RYR1: variants seen among roughly 807,000 people sequenced by gnomAD.
RYR1 encodes the protein ryanodine receptor 1, also known as central core disease of muscle.
Under a neutral mutation model 583.5 loss-of-function variants are expected in RYR1, and 342 were observed. That is an observed-to-expected ratio of 0.59 (90% CI 0.54 to 0.64). The LOEUF is 0.64. RYR1 is among the 30% of genes least tolerant of loss of function. The probability of loss-of-function intolerance (pLI) is 0.00; values close to 1 mark genes in which losing one functional copy is unlikely to be tolerated. For synonymous variants in RYR1, 2,791 were observed against 2,822.5 expected (o/e 0.99, Z 0.35); for missense variants, 6,032 against 6,917.2 (o/e 0.87, Z 4.54).
At chr19:38,544,659 A>G (rs902056545) in intron 87 of RYR1, among the ~76,000 whole-genome samples, 1 of 152,208 alleles carries the variant, frequency 6.6e-6, no homozygotes, top group African/African-American at 2.4e-5. Context: ...AGGGGCTGGC[A>G]GAAACCCTAA....
At chr19:38,542,271 A>T (rs898653148) in intron 84 of RYR1, among the ~76,000 whole-genome samples, 1 of 152,018 alleles carries the variant, frequency 6.6e-6, no homozygotes, top group Non-Finnish European at 1.5e-5. Flanking sequence ...TGACCAATCC[A>T]TATGTTCCCT....
chr19:38,493,145 C>A (rs1168936469), intron 38 of RYR1, among the ~76,000 whole-genome samples: 2 of 151,998 alleles, frequency 1.3e-5, no homozygotes, highest in African/African-American at 4.8e-5. Flanking sequence ...GTGTGTTGGA[C>A]CAGGGTGACA....
At chr19:38,484,606 G>A (rs1270676599) in intron 33 of RYR1, among the ~76,000 whole-genome samples, 7 of 152,044 alleles carry the variant, frequency 4.6e-5, no homozygotes, top group Admixed American at 3.9e-4. Context: ...CAGGATGCTC[G>A]GACATGCCCA....
At chr19:38,440,994 A>G (rs910992154) in intron 2 of RYR1, 130 bp downstream of exon 2, 3 of 948,732 alleles carry the variant, frequency 3.2e-6, no homozygotes, top group Non-Finnish European at 1.5e-6. Flanking sequence ...GAGGGGGGCT[A>G]AGGCTAAGAG....
At chr19:38,454,091 C>T (rs751729154) in intron 13 of RYR1, among the ~76,000 whole-genome samples, 1 of 152,160 alleles carries the variant, frequency 6.6e-6, no homozygotes, top group Non-Finnish European at 1.5e-5. Context: ...GGCTGGAGTG[C>T]AGTGGTGTGA....
chr19:38,489,666 T>C (rs1323554656), intron 35 of RYR1, among the ~76,000 whole-genome samples: 2 of 152,238 alleles, frequency 1.3e-5, no homozygotes, highest in Non-Finnish European at 2.9e-5. Flanking sequence ...TTTTGCTCTG[T>C]CACCCAGGCT....
Position 38,534,830 on chromosome 19 carries a change from CAT to C in RYR1, c.11359+12_11359+13del, listed in dbSNP as rs774493726. 7.5e-6 allele frequency: 12 copies of C among 1,607,846 alleles called. No homozygotes were observed. Among genetic ancestry groups the C allele is most frequent in the Non-Finnish European group, 1.0e-5 (12 of 1,177,462 alleles). On this transcript the variant is annotated intron_variant, in intron 79 of 105. Transcript: ENST00000359596. ...TCAGTGCCTGCAAAGGTGCCCCTCA[CAT>C]GTGCACTGGACTCTTCCGAGTGCAC...
At position 38,512,288 on chromosome 19, in the gene RYR1, C is replaced by T. The variant is rs1064797039; in HGVS notation, c.9277C>T (p.Arg3093Cys). The T allele has an allele frequency of 3.7e-6, 6 of 1,614,236 alleles. No individual in the cohort carries two copies. The highest frequency in any genetic ancestry group is 1.7e-5 in the Admixed American group (1 of 60,032). The change falls in exon 63 of 106, where the codon CGC becomes TGC. Residue 3093 changes from arginine (R) to cysteine (C), a missense_variant. Transcript: ENST00000359596. The surrounding 1 kb of genome is among the most constrained non-coding windows in gnomAD (Gnocchi z 5.1). ...SGPEIVKAGL[R>C]SFFESASEDI... ...CCCTGAGATCGTGAAGGCTGGCCTC[C>T]GCTCCTTCTTCGAGAGTGCCTCGGA...
Position 38,489,417 on chromosome 19 carries a change from A to G in RYR1, c.5788A>G (p.Lys1930Glu). The G allele has an allele frequency of 6.2e-7, 1 of 1,613,928 alleles. No homozygotes were observed. The highest frequency in any genetic ancestry group is 8.5e-7 in the Non-Finnish European group (1 of 1,179,894). ...EGLEEGLLQM[K>E]LPESVKLQMC... is the part of the protein sequence containing the mutation. ...CTTGGAGGAAGGGCTGCTCCAGATG[A>G]AGTTGCCAGAGTCTGTGAAGTTACA... The change falls in exon 35 of 106, where the codon AAG becomes GAG. Residue 1930 changes from lysine (K) to glutamate (E), a missense_variant. By Grantham distance (56) the Lys-to-Glu change is moderately conservative. Transcript: ENST00000359596.
At chr19:38,536,271 A>T (rs1315718225) in intron 82 of RYR1, among the ~76,000 whole-genome samples, 1 of 10,762 alleles carries the variant, frequency 9.3e-5, no homozygotes, top group Non-Finnish European at 1.8e-4. Context: ...CATGTCCACC[A>T]CCCACCTCCG....
chr19:38,467,515 T>A, intron 24 of RYR1, 95 bp from the exon 25 acceptor site: 2 of 1,320,462 alleles, frequency 1.5e-6, no homozygotes, highest in Non-Finnish European at 2.2e-6. Flanking sequence ...CCAAAGCCCT[T>A]ACTGTCCCCC....
At position 38,565,189 on chromosome 19, in the gene RYR1, G is replaced by A. The variant is rs1973340892; in HGVS notation, c.12855G>A (p.Thr4285=). Residue 4285 remains threonine (T), a synonymous_variant, in exon 91 of 106, where the codon ACG becomes ACA. Transcript: ENST00000359596. The surrounding 1 kb of genome is among the most constrained non-coding windows in gnomAD (Gnocchi z 4.7). ...AGGGCGCGGCGGGGCTCGAGGGCAC[G>A]GCGGCCACGGCGGCGGCGGGGGCGA... ...AEEGAAGLEG[T]AATAAAGATA... 3 of 1,048,582 alleles carry A rather than the reference G, an allele frequency of 2.9e-6. No individual in the cohort carries two copies. The highest frequency in any genetic ancestry group is 4.4e-5 in the South Asian group (1 of 22,710). The allele number at this position is 1,048,582 out of a possible 1,614,324, so 65.0% of individuals were successfully genotyped here. A position where few individuals can be genotyped will look rare whatever the true frequency, so the allele number is the denominator to read the frequency against.
chr19:38,502,781 AGGGGC>A, intron 48 of RYR1, 54 bp downstream of exon 48: 2 of 475,266 alleles, frequency 4.2e-6, no homozygotes, highest in Non-Finnish European at 3.4e-6. Flanking sequence ...GGGCAGGGGC[AGGGGC>A]AGGGGCAGGG....
At position 38,499,529 on chromosome 19, in the gene RYR1, G is replaced by T. The variant is rs1040959850; in HGVS notation, c.7028-106G>T. On this transcript the variant is annotated intron_variant, in intron 43 of 105. Coordinates refer to ENST00000359596, the MANE Select transcript of RYR1 (RefSeq NM_000540.3). This position sits in a 1 kb window ranked among gnomAD's most constrained non-coding sequence, Gnocchi z 7.3. ...ACCTCTGGAGGTGTTGGGTCCTGGA[G>T]CTGGATGGGACCTGTGTTACCCCTG... 5 of 1,332,266 alleles carry T rather than the reference G, an allele frequency of 3.8e-6. No homozygotes were observed. The highest frequency in any genetic ancestry group is 5.2e-6 in the Non-Finnish European group (5 of 958,870). The allele number at this position is 1,332,266 out of a possible 1,614,324, so 82.5% of individuals were successfully genotyped here.
Position 38,505,865 on chromosome 19 carries a change from A to C in RYR1, c.8460A>C (p.Glu2820Asp), listed in dbSNP as rs916217901. 1 of 1,614,076 alleles carries C rather than the reference A, an allele frequency of 6.2e-7. No homozygotes were observed. The change falls in exon 54 of 106, where the codon GAA becomes GAC. Residue 2820 changes from glutamate to aspartate, a missense_variant. Glu to Asp is a conservative substitution (Grantham distance 45). Transcript: ENST00000359596. ...KESLKAMIAW[E>D]WTIEKAREGE... Reference sequence around the variant, plus strand: ...CCCTGAAGGCCATGATTGCCTGGGAATGGACGATAGAGAAGGCCAGGGAGG... The same window carrying C: ...CCCTGAAGGCCATGATTGCCTGGGACTGGACGATAGAGAAGGCCAGGGAGG...
Position 38,442,322 on chromosome 19 carries a change from C to T in RYR1, c.166-27C>T, listed in dbSNP as rs1463444256. On this transcript the variant is annotated intron_variant, in intron 2 of 105. Coordinates refer to ENST00000359596, the MANE Select transcript of RYR1 (RefSeq NM_000540.3). ...CTGGGGTGGGGGGGTCTTCTGACCC[C>T]TCACTTACATCCCCCTCCCACCCCA... 16 of 1,495,166 alleles carry T rather than the reference C, an allele frequency of 1.1e-5. No homozygotes were observed. In the Admixed American group the frequency reaches 2.7e-4, roughly 25 times the overall value. 92.6% of individuals were successfully genotyped at this position (1,495,166 alleles called of 1,614,324 possible).
rs764997018 is a variant in RYR1 at position 38,468,948 on chromosome 19, C to T, written c.3382-18C>T. 5.0e-6 allele frequency: 8 copies of T among 1,613,880 alleles called. No individual in the cohort carries two copies. Among genetic ancestry groups the T allele is most frequent in the Middle Eastern group, 1.6e-4 (1 of 6,082 alleles). ...TGTGTGTCTCCCCACACCATGTCTT[C>T]TCTGGCTGTCCTCACAGGGCCAGCG... On this transcript the variant is annotated intron_variant, in intron 25 of 105. Transcript: ENST00000359596.
At chr19:38,519,948 A>T (rs766454717) in intron 67 of RYR1, among the ~76,000 whole-genome samples, 2 of 151,762 alleles carry the variant, frequency 1.3e-5, no homozygotes, top group African/African-American at 2.4e-5. Context: ...AAGTGCTGGG[A>T]TTACAGCTGT....
At position 38,473,903 on chromosome 19, in the gene RYR1, CGAGA is replaced by C. The variant is rs1968575693; in HGVS notation, c.4160+135_4160+138del. The C allele has an allele frequency of 5.9e-6, 4 of 673,728 alleles. No homozygotes were observed. The East Asian group carries it at 1.1e-4, about 19-fold the overall frequency. The allele number at this position is 673,728 out of a possible 1,614,324, so 41.7% of individuals were successfully genotyped here. On this transcript the variant is annotated intron_variant, in intron 28 of 105. Coordinates refer to ENST00000359596, the MANE Select transcript of RYR1 (RefSeq NM_000540.3). ...TATATGCTAAGTGGAGTAAGAATAC[CGAGA>C]GATTCTATCATGTCTCCAATGAACC...
Sources: gnomAD v4.1 joint callset for allele counts (sites outside exome capture counted in the v4.1 genomes callset) on GRCh38, gnomAD v4.1.1 for gene constraint, Gnocchi (gnomAD v3.1) non-coding constraint, MANE v1.5 for transcripts, NCBI Gene and HGNC (gene_info 2026-07-23, HGNC 2026-07-21) for gene names.